The following JARID2 variants were observed in gnomAD, a reference collection of about 807,000 sequenced individuals.
The protein encoded by JARID2 is protein Jumonji.
Under a neutral mutation model 125.6 loss-of-function variants are expected in JARID2, and 21 were observed. The observed-to-expected ratio is 0.17, with a 90% CI of 0.12 to 0.24. The LOEUF is 0.24. Ranked by LOEUF, JARID2 falls within the 10% of genes least tolerant of loss-of-function variation. The pLI is 1.00. For missense variants in JARID2, 1,303 were observed against 1,639.6 expected (o/e 0.79, Z 3.55); for synonymous variants, 736 against 661.6 (o/e 1.11, Z -1.73).
intron 1 of JARID2, among the ~76,000 whole-genome samples, chr6:15,265,894 C>T (rs939029005): frequency 5.9e-5 from 9 of 152,118 alleles, no homozygotes; most frequent in Non-Finnish European, 1.3e-4. Flanking sequence ...CTCATGGAAA[C>T]TGGAGGGCAT....
intron 1 of JARID2, among the ~76,000 whole-genome samples, chr6:15,319,560 G>T (rs1762284946): frequency 6.6e-6 from 1 of 152,082 alleles, no homozygotes; most frequent in Non-Finnish European, 1.5e-5. Flanking sequence ...ACTGTGCCCT[G>T]CCAATTTTTT....
At chr6:15,357,175 C>T (rs1296927357) in intron 1 of JARID2, among the ~76,000 whole-genome samples, 1 of 152,180 alleles carries the variant, frequency 6.6e-6, no homozygotes, top group Non-Finnish European at 1.5e-5. Context: ...CCTTCATGGC[C>T]TAGGAAAGTC....
chr6:15,284,033 T>A (rs1196626700), intron 1 of JARID2, among the ~76,000 whole-genome samples: 1 of 152,236 alleles, frequency 6.6e-6, no homozygotes, highest in African/African-American at 2.4e-5. Context: ...ATAGTGTTTT[T>A]TCTTTCATAG....
At chr6:15,475,455 C>G (rs1453883054) in intron 5 of JARID2, among the ~76,000 whole-genome samples, 1 of 152,178 alleles carries the variant, frequency 6.6e-6, no homozygotes, top group South Asian at 2.1e-4. Context: ...GTGGAACTGC[C>G]AGGGAGGCCC....
At chr6:15,469,824 G>T (rs1768983394) in intron 5 of JARID2, among the ~76,000 whole-genome samples, 1 of 152,274 alleles carries the variant, frequency 6.6e-6, no homozygotes, top group South Asian at 2.1e-4. Context: ...GATTTCAGAG[G>T]CAGCACAGAG....
chr6:15,403,305 T>C (rs1765509831), intron 2 of JARID2, among the ~76,000 whole-genome samples: 1 of 152,198 alleles, frequency 6.6e-6, no homozygotes, highest in African/African-American at 2.4e-5. Flanking sequence ...TTATTTTTGT[T>C]GGAGCCTTTC....
At chr6:15,446,747 T>C (rs1767686047) in intron 3 of JARID2, among the ~76,000 whole-genome samples, 1 of 152,190 alleles carries the variant, frequency 6.6e-6, no homozygotes, top group African/African-American at 2.4e-5. Context: ...GGGGCTGATT[T>C]TGGTTATGAA....
intron 6 of JARID2, among the ~76,000 whole-genome samples, chr6:15,489,882 C>T (rs993706079): frequency 6.6e-6 from 1 of 152,208 alleles, no homozygotes; most frequent in Admixed American, 6.5e-5. Flanking sequence ...CCTCTTCCCT[C>T]TCCTCCTCCT....
intron 2 of JARID2, among the ~76,000 whole-genome samples, chr6:15,399,693 A>G (rs1475731336): frequency 1.3e-5 from 2 of 152,228 alleles, no homozygotes; most frequent in East Asian, 3.8e-4. Flanking sequence ...TGAGGTATAA[A>G]TAAGTTACTG....
intron 5 of JARID2, among the ~76,000 whole-genome samples, chr6:15,469,296 CT>C (rs1768911150): frequency 8.9e-6 from 1 of 112,742 alleles, no homozygotes; most frequent in Non-Finnish European, 1.9e-5. Flanking sequence ...CTCTGTCTCT[CT>C]GTCTCTGTCT....
chr6:15,456,877 G>GTTTTTTTTTTTTTTTTTTT (rs1491156314), intron 4 of JARID2, among the ~76,000 whole-genome samples: 1 of 27,566 alleles, frequency 3.6e-5, no homozygotes, highest in Admixed American at 5.7e-4. Flanking sequence ...AGGATGTTAA[G>GTTTTTTTTTTTTTTTTTTT]CTTTTTTTTT....
At chr6:15,279,128 A>G (rs1760656424) in intron 1 of JARID2, among the ~76,000 whole-genome samples, 1 of 134,310 alleles carries the variant, frequency 7.4e-6, no homozygotes, top group East Asian at 1.9e-4. Context: ...GCTATTGTAT[A>G]ACAAAATTCA....
chr6:15,433,921 GGTGTGTGTGTGTGTGTGTGTGTGTGTGT>G (rs146025914), intron 3 of JARID2, among the ~76,000 whole-genome samples: 7 of 131,312 alleles, frequency 5.3e-5, no homozygotes, highest in African/African-American at 8.7e-5. Flanking sequence ...CACTCTCCAG[GGTGTGTGTGTGTGTGTGTGTGTGTGTGT>G]GTGTGTGTGT....
chr6:15,400,210 C>G (rs1765372253), intron 2 of JARID2, among the ~76,000 whole-genome samples: 1 of 152,000 alleles, frequency 6.6e-6, no homozygotes, highest in East Asian at 1.9e-4. Flanking sequence ...AGGGGTGCCC[C>G]TCTGTTGTTG....
At chr6:15,260,575 A>T (rs997098232) in intron 1 of JARID2, among the ~76,000 whole-genome samples, 1 of 152,246 alleles carries the variant, frequency 6.6e-6, no homozygotes, top group African/African-American at 2.4e-5. Context: ...CCAGCTCAAT[A>T]TAAACACCAT....
chr6:15,461,005 A>G (rs76744906), intron 4 of JARID2, among the ~76,000 whole-genome samples: 5,364 of 152,234 alleles, frequency 0.035, 139 homozygotes, highest in Admixed American at 0.07. Context: ...GCACCCAGCC[A>G]GAATGTTCAC....
chr6:15,256,624 C>T (rs1020242722), intron 1 of JARID2, among the ~76,000 whole-genome samples: 1 of 151,958 alleles, frequency 6.6e-6, no homozygotes, highest in African/African-American at 2.4e-5. Context: ...CAGCTGAGCC[C>T]AGCATTTTAT....
intron 2 of JARID2, among the ~76,000 whole-genome samples, chr6:15,386,381 G>C (rs1764788058): frequency 6.6e-6 from 1 of 152,052 alleles, no homozygotes; most frequent in Admixed American, 6.6e-5. Flanking sequence ...ATGTCTTGTT[G>C]TGACAAGTGT....
In JARID2 at chr6:15,370,060, G is replaced by T. The variant is rs144698865; in HGVS notation, c.46-4057G>T. Among the ~76,000 whole-genome samples the T allele has an allele frequency of 2.3e-4, 35 of 152,302 alleles. 1 individual carries two copies. Among genetic ancestry groups the T allele is most frequent in the African/African-American group, 8.2e-4 (34 of 41,546 alleles). Reference sequence around the variant, plus strand: ...ACTGGATGTTAGACACTGGCAGGGCGAGTAGGGGTAAATAAATGTCAGTGG... The same window carrying T: ...ACTGGATGTTAGACACTGGCAGGGCTAGTAGGGGTAAATAAATGTCAGTGG... On this transcript the variant is annotated intron_variant, in intron 1 of 17. Transcript: ENST00000341776.
Sources: allele counts gnomAD v4.1 joint callset (sites outside exome capture counted in the v4.1 genomes callset), GRCh38; gene constraint gnomAD v4.1.1; transcripts MANE v1.5; gene names NCBI Gene and HGNC (gene_info 2026-07-23, HGNC 2026-07-21).